The following CD59 variants were observed in gnomAD, a reference collection of about 807,000 sequenced individuals.
The protein encoded by CD59 is CD59 molecule (CD59 blood group).
A neutral mutation model predicts 7.0 loss-of-function variants in CD59; 3 were observed. The ratio of observed to expected loss-of-function variants is 0.43; its 90% CI spans 0.19 to 1.10. CD59 has a LOEUF of 1.10. Among genes scored for constraint, CD59 ranks in the 50% least tolerant of loss-of-function variants. CD59 has a pLI of 0.29. For synonymous variants in CD59, 60 were observed against 62.0 expected, an observed-to-expected ratio of 0.97 and a Z score of 0.15; for missense variants, 143 against 151.0, an observed-to-expected ratio of 0.95 and a Z score of 0.28.
In CD59 at chr11:33,710,215, G is replaced by A. The variant is rs764645328; in HGVS notation, c.298C>T (p.Leu100Phe). 26 of 1,614,042 alleles carry A rather than the reference G, an allele frequency of 1.6e-5. No individual in the cohort carries two copies. The highest frequency in any genetic ancestry group is 2.0e-5 in the Non-Finnish European group (24 of 1,180,016). ...GATAAGGATGTCCCACCATTTTCAA[G>A]CTGTTCGTTAAAGTTACACAGGTCC... ...KKDLCNFNEQ[L>F]ENGGTSLSEK... The change falls in exon 4 of 4, where the codon CTT (leucine) becomes TTT (phenylalanine). Residue 100 changes from leucine to phenylalanine, a missense_variant. Coordinates refer to ENST00000642928, the MANE Select transcript of CD59 (RefSeq NM_000611.6).
At chr11:33,711,485 C>G (rs747222454) in intron 3 of CD59, 1 of 688,856 alleles carries the variant, frequency 1.5e-6, no homozygotes, top group South Asian at 1.5e-5. Context: ...CCAGCCTGGG[C>G]AACATAGTGA....
intron 1 of CD59, 77 bp from the exon 2 acceptor site, chr11:33,722,540 G>A: frequency 6.3e-7 from 1 of 1,578,624 alleles, no homozygotes. Flanking sequence ...AGGGCTGGAA[G>A]GCCAAGAAGG....
chr11:33,722,780 C>A, intron 1 of CD59: 1 of 1,037,944 alleles, frequency 9.6e-7, no homozygotes, highest in Non-Finnish European at 1.2e-6. Context: ...ACTCTACTGG[C>A]CCCACCCCAA....
chr11:33,725,072 C>A (rs1441302929), intron 1 of CD59, among the ~76,000 whole-genome samples: 2 of 152,100 alleles, frequency 1.3e-5, no homozygotes, highest in African/African-American at 2.4e-5. Flanking sequence ...GTAACTAACA[C>A]TAAGCAAGAT....
rs1027993596 is a variant in CD59, at chr11:33,706,114, C to A, written c.*4012G>T. The A allele has an allele frequency of 6.6e-6, 1 of 151,552 alleles. No homozygotes were observed. Among genetic ancestry groups the A allele is most frequent in the African/African-American group, 2.4e-5 (1 of 41,200 alleles). 9.4% of individuals were successfully genotyped at this position (151,552 alleles called of 1,614,324 possible). A position where few individuals can be genotyped will look rare whatever the true frequency, so the allele number is the denominator to read the frequency against. On this transcript the variant is annotated 3_prime_UTR_variant, in exon 4 of 4. Transcript: ENST00000642928. ...AGTCCCCTGCTGGGTGCATGCTACC[C>A]CCCTCCTCTCCCAGAGGCTCTGGAC...
chr11:33,725,285 G>GAAA (rs35899420), intron 1 of CD59, among the ~76,000 whole-genome samples: 15 of 86,458 alleles, frequency 1.7e-4, no homozygotes, highest in African/African-American at 2.4e-4. Context: ...CCATTTTAAG[G>GAAA]AAAAAAAAAA....
intron 3 of CD59, 94 bp from the exon 4 acceptor site, chr11:33,710,437 C>A: frequency 1.0e-6 from 1 of 989,424 alleles, no homozygotes; most frequent in East Asian, 2.4e-5. Context: ...GTATCCTGTG[C>A]AAGTAGAGAC....
chr11:33,724,132 T>G (rs185620436), intron 1 of CD59, among the ~76,000 whole-genome samples: 1 of 152,044 alleles, frequency 6.6e-6, no homozygotes, highest in East Asian at 1.9e-4. Flanking sequence ...AAAAACCCAA[T>G]GTAGCTACAA....
At chr11:33,713,531 T>C (rs373195749) in intron 3 of CD59, among the ~76,000 whole-genome samples, 2 of 152,320 alleles carry the variant, frequency 1.3e-5, no homozygotes, top group East Asian at 3.9e-4. Context: ...ATTCCAGAAA[T>C]GGCTCTAGTT....
intron 3 of CD59, 110 bp downstream of exon 3, chr11:33,717,260 A>G (rs1853835605): frequency 5.5e-6 from 4 of 721,554 alleles, no homozygotes; most frequent in South Asian, 3.0e-5. Context: ...ACGCTAATAA[A>G]TGGTAGCTAT....
At chr11:33,733,396 C>T (rs1854474658) in intron 1 of CD59, 1 of 152,224 alleles carries the variant, frequency 6.6e-6, no homozygotes, top group Admixed American at 6.5e-5. Context: ...GCGGGTGGAT[C>T]ACTTGAGGCC....
At chr11:33,716,775 C>A (rs1057301548) in intron 3 of CD59, among the ~76,000 whole-genome samples, 1 of 152,216 alleles carries the variant, frequency 6.6e-6, no homozygotes, top group African/African-American at 2.4e-5. Flanking sequence ...CGAGCCCTGG[C>A]ACCTGCTGTT....
intron 2 of CD59, among the ~76,000 whole-genome samples, chr11:33,719,922 T>A (rs907924460): frequency 6.6e-6 from 1 of 152,204 alleles, no homozygotes; most frequent in East Asian, 1.9e-4. Flanking sequence ...TTCACACGCA[T>A]GAAATGAAAA....
chr11:33,730,773 C>T (rs957298371), intron 1 of CD59, among the ~76,000 whole-genome samples: 1 of 152,170 alleles, frequency 6.6e-6, no homozygotes, highest in African/African-American at 2.4e-5. Flanking sequence ...ACACATGAGA[C>T]CCTTACAGGG....
intron 1 of CD59, among the ~76,000 whole-genome samples, chr11:33,728,298 G>T (rs1001214648): frequency 6.6e-6 from 1 of 152,170 alleles, no homozygotes; most frequent in African/African-American, 2.4e-5. Flanking sequence ...AACCAAAACA[G>T]CATGGTACTG....
At chr11:33,732,215 A>G (rs554828671) in intron 1 of CD59, among the ~76,000 whole-genome samples, 5 of 150,948 alleles carry the variant, frequency 3.3e-5, no homozygotes, top group African/African-American at 4.9e-5. Context: ...GGACTAATAC[A>G]CCTCCAAAAT....
intron 2 of CD59, 98 bp from the exon 3 acceptor site, chr11:33,717,569 TGTG>T (rs1853856657): frequency 1.3e-6 from 1 of 744,390 alleles, no homozygotes; most frequent in Non-Finnish European, 2.4e-6. Context: ...GTCAGCAACT[TGTG>T]GTATACTTCC....
chr11:33,735,913 C>T (rs532281767), intron 1 of CD59, among the ~76,000 whole-genome samples: 2 of 139,766 alleles, frequency 1.4e-5, no homozygotes, highest in Admixed American at 7.1e-5. Context: ...AACTCCATCT[C>T]AAAAAAAAAA....
At chr11:33,720,195 C>T (rs766856521) in intron 2 of CD59, among the ~76,000 whole-genome samples, 2 of 152,194 alleles carry the variant, frequency 1.3e-5, no homozygotes, top group Non-Finnish European at 2.9e-5. Context: ...GAACTAGGCT[C>T]AATTATCTTC....
Sources: allele counts gnomAD v4.1 joint callset (sites outside exome capture counted in the v4.1 genomes callset), GRCh38; gene constraint gnomAD v4.1.1; transcripts MANE v1.5; gene names NCBI Gene and HGNC (gene_info 2026-07-23, HGNC 2026-07-21).